TLE4: variants seen among roughly 807,000 people sequenced by gnomAD.
The protein encoded by TLE4 is TLE family member 4, transcriptional corepressor, also known as transducin-like enhancer protein 4.
In TLE4, 8 loss-of-function variants were observed where a neutral mutation model predicts 92.8. The observed-to-expected ratio is 0.09, with a 90% CI of 0.05 to 0.16. TLE4 has a LOEUF of 0.16. TLE4 is among the 10% of genes least tolerant of loss of function. The pLI, the probability that TLE4 is intolerant of heterozygous loss-of-function variation, is 1.00. For missense variants in TLE4, 675 were observed against 997.6 expected (o/e 0.68, Z 4.36); for synonymous variants, 371 against 374.1 (o/e 0.99, Z 0.10).
At chr9:79,622,841 A>G (rs926391945) in intron 5 of TLE4, among the ~76,000 whole-genome samples, 1 of 152,150 alleles carries the variant, frequency 6.6e-6, no homozygotes, top group Non-Finnish European at 1.5e-5. Context: ...TATATCCTGT[A>G]TTCCTCTAAG....
intron 3 of TLE4, 32 bp from the exon 4 acceptor site, chr9:79,576,101 C>G: frequency 7.0e-7 from 1 of 1,422,412 alleles, no homozygotes; most frequent in Non-Finnish European, 9.4e-7. Context: ...TGATGAAAGT[C>G]ATGCATTTAA....
chr9:79,683,538 A>G (rs910174562), intron 8 of TLE4, among the ~76,000 whole-genome samples: 9 of 152,214 alleles, frequency 5.9e-5, no homozygotes, highest in Non-Finnish European at 1.3e-4. Context: ...TAATTCTGGA[A>G]TATCAGTATA....
At chr9:79,668,011 A>T (rs1237335471) in intron 8 of TLE4, among the ~76,000 whole-genome samples, 1 of 152,222 alleles carries the variant, frequency 6.6e-6, no homozygotes, top group Non-Finnish European at 1.5e-5. Context: ...TAATTCACAT[A>T]ACAAATGATT....
intron 6 of TLE4, among the ~76,000 whole-genome samples, chr9:79,641,636 G>A (rs2057164715): frequency 6.6e-6 from 1 of 152,118 alleles, no homozygotes; most frequent in Non-Finnish European, 1.5e-5. Context: ...GCAGTGTGCT[G>A]TCATTTGCAT....
chr9:79,585,721 T>G (rs2040888129), intron 4 of TLE4, among the ~76,000 whole-genome samples: 1 of 152,070 alleles, frequency 6.6e-6, no homozygotes, highest in South Asian at 2.1e-4. Context: ...ATTTTTAAAA[T>G]CCAAAGTTAC....
chr9:79,710,316 T>G (rs1424178237), intron 14 of TLE4, among the ~76,000 whole-genome samples: 1 of 152,246 alleles, frequency 6.6e-6, no homozygotes, highest in African/African-American at 2.4e-5. Flanking sequence ...GCTAATTGGC[T>G]TCATCTTCCC....
chr9:79,665,289 A>G (rs1161083201), intron 8 of TLE4, among the ~76,000 whole-genome samples: 1 of 152,214 alleles, frequency 6.6e-6, no homozygotes, highest in Non-Finnish European at 1.5e-5. Flanking sequence ...ATCAGTAGGT[A>G]TTGATTCAGC....
intron 8 of TLE4, among the ~76,000 whole-genome samples, chr9:79,677,489 A>G (rs918461726): frequency 3.9e-5 from 6 of 151,956 alleles, no homozygotes; most frequent in African/African-American, 1.4e-4. Context: ...TGTTAACTCT[A>G]CTTAGTTGAA....
intron 6 of TLE4, among the ~76,000 whole-genome samples, chr9:79,632,904 G>GGGAA: frequency 6.6e-6 from 1 of 152,132 alleles, no homozygotes; most frequent in East Asian, 1.9e-4. Context: ...TGCACAATGG[G>GGGAA]GGAAGGGGCT....
At chr9:79,605,313 C>A (rs968262460) in intron 4 of TLE4, among the ~76,000 whole-genome samples, 1 of 152,078 alleles carries the variant, frequency 6.6e-6, no homozygotes, top group African/African-American at 2.4e-5. Flanking sequence ...TGAGTATAAC[C>A]GTGGTAACAT....
intron 8 of TLE4, among the ~76,000 whole-genome samples, chr9:79,686,048 G>T (rs1015222038): frequency 6.6e-6 from 1 of 152,104 alleles, no homozygotes; most frequent in African/African-American, 2.4e-5. Context: ...AGATGATTTA[G>T]TTATAAAGAG....
At chr9:79,648,951 A>G (rs1212561048) in intron 6 of TLE4, among the ~76,000 whole-genome samples, 2 of 152,198 alleles carry the variant, frequency 1.3e-5, no homozygotes, top group African/African-American at 4.8e-5. Context: ...AAGGAGAAAA[A>G]ATCAAGAAGG....
chr9:79,725,008 A>G (rs763869852), intron 19 of TLE4, 29 bp from the exon 20 acceptor site: 4 of 1,561,376 alleles, frequency 2.6e-6, no homozygotes, highest in South Asian at 2.2e-5. Context: ...TCAGTATTTA[A>G]CATTTTTGAT....
At chr9:79,721,445 C>T (rs367601772) in intron 16 of TLE4, among the ~76,000 whole-genome samples, 2 of 152,124 alleles carry the variant, frequency 1.3e-5, no homozygotes, top group Non-Finnish European at 2.9e-5. Flanking sequence ...TATGTGTAGG[C>T]GTGTTTTCTT....
At chr9:79,646,083 A>T (rs371836954) in intron 6 of TLE4, among the ~76,000 whole-genome samples, 242 of 149,982 alleles carry the variant, frequency 1.6e-3, no homozygotes, top group East Asian at 8.2e-3. Context: ...ATATATATAT[A>T]TATTTTTTTT....
intron 4 of TLE4, among the ~76,000 whole-genome samples, chr9:79,580,661 G>A (rs748200285): frequency 6.6e-5 from 10 of 150,786 alleles, no homozygotes; most frequent in Non-Finnish European, 1.5e-4. Context: ...AGATGGAGGA[G>A]TAGGTGTTTT....
At chr9:79,675,020 A>G (rs747965492) in intron 8 of TLE4, among the ~76,000 whole-genome samples, 1 of 152,256 alleles carries the variant, frequency 6.6e-6, no homozygotes, top group South Asian at 2.1e-4. Context: ...TTTCATGAAG[A>G]AAAAAGGGTA....
At chr9:79,635,380 A>G (rs1198127404) in intron 6 of TLE4, among the ~76,000 whole-genome samples, 2 of 151,698 alleles carry the variant, frequency 1.3e-5, no homozygotes, top group African/African-American at 2.4e-5. Context: ...CTCCCAATCT[A>G]TAGTTTAACA....
chr9:79,621,836 G>A (rs2051079525), intron 5 of TLE4, among the ~76,000 whole-genome samples: 1 of 152,148 alleles, frequency 6.6e-6, no homozygotes, highest in East Asian at 1.9e-4. Context: ...ATTTCTATGA[G>A]TGGCTTCTTA....
Sources: allele counts gnomAD v4.1 joint callset (sites outside exome capture counted in the v4.1 genomes callset), GRCh38; gene constraint gnomAD v4.1.1; transcripts MANE v1.5; gene names NCBI Gene and HGNC (gene_info 2026-07-23, HGNC 2026-07-21).